LARGE1: variants seen among roughly 807,000 people sequenced by gnomAD.
LARGE1 encodes the protein xylosyl- and glucuronyltransferase LARGE1.
Under a neutral mutation model 87.6 loss-of-function variants are expected in LARGE1, and 43 were observed. The ratio of observed to expected loss-of-function variants is 0.49; its 90% CI spans 0.38 to 0.63. The LOEUF is 0.63. Among genes scored for constraint, LARGE1 ranks in the 30% least tolerant of loss-of-function variants. LARGE1 has a pLI of 0.00. For synonymous variants in LARGE1, 434 were observed against 394.6 expected, an observed-to-expected ratio of 1.10 and a Z score of -1.18; for missense variants, 802 against 1,000.2, an observed-to-expected ratio of 0.80 and a Z score of 2.67.
At chr22:33,397,980 A>T (rs749315895) in intron 7 of LARGE1, among the ~76,000 whole-genome samples, 6 of 151,820 alleles carry the variant, frequency 4.0e-5, no homozygotes, top group Admixed American at 1.3e-4. Context: ...TCATTTTTCT[A>T]TTGGGTTGTC....
At chr22:33,687,630 C>A (rs780460818) in intron 2 of LARGE1, among the ~76,000 whole-genome samples, 1 of 152,122 alleles carries the variant, frequency 6.6e-6, no homozygotes, top group Non-Finnish European at 1.5e-5. Flanking sequence ...GCCAGGCTGA[C>A]ACACCCCAGC....
intron 1 of LARGE1, among the ~76,000 whole-genome samples, chr22:33,899,789 A>T (rs4821196): frequency 0.77 from 117,677 of 152,198 alleles, 45,975 homozygotes; most frequent in East Asian, 1. Flanking sequence ...GAATAACATG[A>T]AAATCTATTT....
the LARGE1 span, among the ~76,000 whole-genome samples, chr22:33,125,667 G>C: frequency 6.6e-6 from 1 of 152,138 alleles, no homozygotes; most frequent in African/African-American, 2.4e-5. Flanking sequence ...AGATGATCTC[G>C]ATCTCCTGAC....
At chr22:33,574,430 C>T (rs1179547968) in intron 5 of LARGE1, among the ~76,000 whole-genome samples, 2 of 151,702 alleles carry the variant, frequency 1.3e-5, no homozygotes, top group Admixed American at 6.6e-5. Context: ...AAACTCTGTA[C>T]ATGTTCAATA....
chr22:33,068,256 A>AT, the LARGE1 span, among the ~76,000 whole-genome samples: 1 of 152,108 alleles, frequency 6.6e-6, no homozygotes, highest in Admixed American at 6.6e-5. Context: ...GTGCATAAAG[A>AT]TTTTTACCAC....
At chr22:33,129,426 A>G in the LARGE1 span, among the ~76,000 whole-genome samples, 3 of 152,210 alleles carry the variant, frequency 2.0e-5, no homozygotes, top group Non-Finnish European at 4.4e-5. Context: ...AATTGCAATA[A>G]GGTTTTATAC....
intron 13 of LARGE1, among the ~76,000 whole-genome samples, chr22:33,281,978 A>G (rs1267694168): frequency 1.3e-5 from 2 of 152,260 alleles, no homozygotes; most frequent in African/African-American, 2.4e-5. Context: ...CCGATGGTCT[A>G]GAAACGTATG....
the LARGE1 span, among the ~76,000 whole-genome samples, chr22:33,087,107 TC>T: frequency 6.6e-6 from 1 of 152,262 alleles, no homozygotes; most frequent in South Asian, 2.1e-4. Context: ...TTAGATTTGT[TC>T]TGCTGAAGTA....
chr22:33,771,994 G>A (rs989858168), intron 1 of LARGE1, among the ~76,000 whole-genome samples: 4 of 152,110 alleles, frequency 2.6e-5, no homozygotes, highest in African/African-American at 9.7e-5. Flanking sequence ...ATCGCCCCAT[G>A]CCCGTGGCTT....
At chr22:33,826,573 C>T (rs1232179082) in intron 1 of LARGE1, among the ~76,000 whole-genome samples, 1 of 151,990 alleles carries the variant, frequency 6.6e-6, no homozygotes, top group Admixed American at 6.6e-5. Flanking sequence ...AAACTCCTGA[C>T]GTTGTGATCC....
chr22:33,559,141 C>T (rs572475919), intron 6 of LARGE1, among the ~76,000 whole-genome samples: 12 of 152,290 alleles, frequency 7.9e-5, no homozygotes, highest in African/African-American at 1.7e-4. Context: ...ATCAAGGCTC[C>T]GGCAGATCAG....
chr22:33,721,857 C>G (rs374888470), intron 2 of LARGE1, among the ~76,000 whole-genome samples: 1 of 152,174 alleles, frequency 6.6e-6, no homozygotes, highest in Non-Finnish European at 1.5e-5. Context: ...AACCCCCATA[C>G]TGTTTTGTAC....
intron 3 of LARGE1, among the ~76,000 whole-genome samples, chr22:33,646,459 G>C (rs1365187217): frequency 6.6e-6 from 1 of 152,076 alleles, no homozygotes; most frequent in Non-Finnish European, 1.5e-5. Context: ...GGGAGGGAGA[G>C]CACTAGGACA....
chr22:33,412,306 T>TATATATATTA (rs1555912561), intron 7 of LARGE1, among the ~76,000 whole-genome samples: 2 of 151,316 alleles, frequency 1.3e-5, no homozygotes, highest in African/African-American at 4.9e-5. Context: ...TATATATATA[T>TATATATATTA]TTATTATTAT....
intron 5 of LARGE1, among the ~76,000 whole-genome samples, chr22:33,603,454 C>T (rs1157461064): frequency 1.3e-5 from 2 of 152,196 alleles, no homozygotes; most frequent in Admixed American, 6.5e-5. Context: ...GGCTCCTCTC[C>T]TCCTACCCCA....
intron 3 of LARGE1, among the ~76,000 whole-genome samples, chr22:33,642,653 G>C (rs1602926950): frequency 9.2e-6 from 1 of 108,134 alleles, no homozygotes; most frequent in Non-Finnish European, 1.8e-5. Flanking sequence ...CATGTGCAAA[G>C]ATACACATAA....
intron 1 of LARGE1, among the ~76,000 whole-genome samples, chr22:33,786,426 T>C (rs2085642904): frequency 2.6e-5 from 4 of 152,314 alleles, no homozygotes; most frequent in Middle Eastern, 6.8e-3. Context: ...TGGAATTCCA[T>C]CTCAGCCTCT....
the LARGE1 span, among the ~76,000 whole-genome samples, chr22:33,104,528 G>A: frequency 1.1e-4 from 16 of 152,180 alleles, no homozygotes; most frequent in Admixed American, 9.8e-4. Flanking sequence ...GTTGGTAGCT[G>A]GAGAGAACTG....
chr22:33,123,855 G>A, the LARGE1 span, among the ~76,000 whole-genome samples: 8 of 152,188 alleles, frequency 5.3e-5, 1 homozygote, highest in Admixed American at 5.2e-4. Context: ...GTGAAGGCCT[G>A]CCTAGGTGAC....
Sources: allele counts gnomAD v4.1 joint callset (sites outside exome capture counted in the v4.1 genomes callset), GRCh38; gene constraint gnomAD v4.1.1; transcripts MANE v1.5; gene names NCBI Gene and HGNC (gene_info 2026-07-23, HGNC 2026-07-21).